The following GLUD1 variants were observed in gnomAD, a reference collection of about 807,000 sequenced individuals.
GLUD1 encodes glutamate dehydrogenase 1, also known as glutamate dehydrogenase 1, mitochondrial.
In GLUD1, 22 loss-of-function variants were observed where a neutral mutation model predicts 56.0. The ratio of observed to expected loss-of-function variants is 0.39; its 90% CI spans 0.28 to 0.56. The LOEUF is 0.56. Among genes scored for constraint, GLUD1 ranks in the 20% least tolerant of loss-of-function variants. GLUD1 has a pLI of 0.58. For synonymous variants in GLUD1, 223 were observed against 269.9 expected (o/e 0.83, Z 1.70); for missense variants, 451 against 732.0 (o/e 0.62, Z 4.43).
At chr10:87,057,380 T>C (rs1845810006) in intron 11 of GLUD1, among the ~76,000 whole-genome samples, 1 of 152,226 alleles carries the variant, frequency 6.6e-6, no homozygotes, top group African/African-American at 2.4e-5. Context: ...TTCAATCTAA[T>C]GCTTGCTTTT....
chr10:87,094,209 G>C lies in GLUD1; in HGVS notation c.445+116C>G. On this transcript the variant is annotated intron_variant, in intron 1 of 12. Coordinates refer to ENST00000277865, the MANE Select transcript of GLUD1 (RefSeq NM_005271.5). This position sits in a 1 kb window ranked among gnomAD's most constrained non-coding sequence, Gnocchi z 6.6. ...GGCGGGGTGACCCGGGCGGGGACCC[G>C]GCCCGCTCCAGCTGGGCTGGGCTGG... 1 of 1,406,710 alleles carries C rather than the reference G, an allele frequency of 7.1e-7. No individual in the cohort carries two copies. Among genetic ancestry groups the C allele is most frequent in the Non-Finnish European group, 9.5e-7 (1 of 1,056,342 alleles). 87.1% of individuals were successfully genotyped at this position (1,406,710 alleles called of 1,614,324 possible). A position where few individuals can be genotyped will look rare whatever the true frequency, so the allele number is the denominator to read the frequency against.
At chr10:87,074,738 C>T in intron 3 of GLUD1, 124 bp from the exon 4 acceptor site, 1 of 690,130 alleles carries the variant, frequency 1.4e-6, no homozygotes, top group Non-Finnish European at 2.6e-6. Context: ...ATCCTTAGAA[C>T]AACTCATAAA....
chr10:87,062,843 A>C lies in GLUD1; in HGVS notation c.742-8T>G. ...GGCGTGTGCATTAATATCCTGTAAG[A>C]GGGGGTAATTGAAAGAATGAAATGT... On this transcript the variant is annotated splice_polypyrimidine_tract_variant and splice_region_variant and intron_variant, in intron 5 of 12. Transcript: ENST00000277865. The C allele has an allele frequency of 6.2e-7, 1 of 1,612,942 alleles. No individual in the cohort carries two copies. The highest frequency in any genetic ancestry group is 8.5e-7 in the Non-Finnish European group (1 of 1,178,954).
At chr10:87,058,618 C>CTCTGCCCGGCCGTCCCT in intron 10 of GLUD1, among the ~76,000 whole-genome samples, 1 of 152,178 alleles carries the variant, frequency 6.6e-6, no homozygotes, top group Non-Finnish European at 1.5e-5. Context: ...ATTGGCTGGG[C>CTCTGCCCGGCCGTCCCT]ACAGTGGCTC....
intron 6 of GLUD1, 145 bp downstream of exon 6, chr10:87,062,509 CAA>C: frequency 4.2e-6 from 3 of 706,282 alleles, no homozygotes; most frequent in Middle Eastern, 3.9e-4. Context: ...GTTCAAAAAA[CAA>C]AATATCTATT....
At chr10:87,058,261 A>G (rs1414813556) in intron 10 of GLUD1, among the ~76,000 whole-genome samples, 1 of 152,208 alleles carries the variant, frequency 6.6e-6, no homozygotes, top group Non-Finnish European at 1.5e-5. Flanking sequence ...ATAAATGTGA[A>G]TTTAGGTCAC....
intron 1 of GLUD1, among the ~76,000 whole-genome samples, chr10:87,080,362 C>G (rs923347726): frequency 2.0e-5 from 3 of 152,082 alleles, no homozygotes; most frequent in African/African-American, 7.2e-5. Context: ...GCCGCCACCC[C>G]GTCTAGGAAG....
At chr10:87,066,050 G>GA (rs1846065975) in intron 5 of GLUD1, among the ~76,000 whole-genome samples, 1 of 152,122 alleles carries the variant, frequency 6.6e-6, no homozygotes, top group Non-Finnish European at 1.5e-5. Context: ...TCCCCTGGGG[G>GA]ACTTCACTAC....
intron 5 of GLUD1, 116 bp downstream of exon 5, chr10:87,067,947 T>C (rs1217645606): frequency 1.9e-5 from 13 of 702,214 alleles, no homozygotes; most frequent in Non-Finnish European, 2.9e-5. Flanking sequence ...CACATCAAGA[T>C]TATGATTGAA....
At chr10:87,052,669 C>T (rs796287397) in intron 12 of GLUD1, among the ~76,000 whole-genome samples, 2 of 41,746 alleles carry the variant, frequency 4.8e-5, no homozygotes, top group Admixed American at 8.3e-4. Context: ...AACTCCGTCT[C>T]AAAAAAAAAA....
Position 87,062,722 on chromosome 10 carries a change from A to G in GLUD1, c.855T>C (p.Asn285=). ...GVFHGIENFI[N]EASYMSILGM... ...CTAAAATGCTCATGTAAGAAGCTTC[A>G]TTGATGAAATTTTCAATCCCATGGA... The change falls in exon 6 of 13, where the codon AAT becomes AAC. Residue 285 remains asparagine, a synonymous_variant. Coordinates refer to ENST00000277865, the MANE Select transcript of GLUD1 (RefSeq NM_005271.5). The G allele has an allele frequency of 6.2e-7, 1 of 1,614,110 alleles. No homozygotes were observed. The highest frequency in any genetic ancestry group is 1.3e-5 in the African/African-American group (1 of 75,048).
At chr10:87,079,325 A>G (rs533643807) in intron 1 of GLUD1, among the ~76,000 whole-genome samples, 1 of 151,920 alleles carries the variant, frequency 6.6e-6, no homozygotes, top group Admixed American at 6.5e-5. Flanking sequence ...GTAGTCGAAG[A>G]TGCTCAGGAG....
chr10:87,051,577 G>A lies in GLUD1; in HGVS notation c.*174C>T, dbSNP rs1845632095. 1.2e-5 allele frequency: 9 copies of A among 782,210 alleles called. No homozygotes were observed. Among genetic ancestry groups the A allele is most frequent in the East Asian group, 2.5e-5 (1 of 39,470 alleles). The allele number at this position is 782,210 out of a possible 1,614,324, so 48.5% of individuals were successfully genotyped here. On this transcript the variant is annotated 3_prime_UTR_variant, in exon 13 of 13. Coordinates refer to ENST00000277865, the MANE Select transcript of GLUD1 (RefSeq NM_005271.5). ...TTCACACTCAGCTTGTACATGATCC[G>A]CTAACCTTAATTTCTTTCTCCTTAA... is the stretch of plus-strand genomic sequence containing the variant.
intron 6 of GLUD1, 22 bp downstream of exon 6, chr10:87,062,634 C>CTTT (rs1490816997): frequency 1.3e-6 from 2 of 1,592,594 alleles, no homozygotes; most frequent in Non-Finnish European, 1.7e-6. Flanking sequence ...ATTAAGGAAA[C>CTTT]TTTTTTTGTT....
rs142167252 is a variant in GLUD1 at position 87,059,505 on chromosome 10, T to G, written c.1279-232A>C. ...AAAAAAAAATCATTTTTTGGCTTAT[T>G]AATCAAGGAAAGTTAATAATCTTTG... On this transcript the variant is annotated intron_variant, in intron 9 of 12. Coordinates refer to ENST00000277865, the MANE Select transcript of GLUD1 (RefSeq NM_005271.5). Among the ~76,000 whole-genome samples, 183 of 152,224 alleles carry G rather than the reference T, an allele frequency of 1.2e-3. No homozygotes were observed. Among genetic ancestry groups the G allele is most frequent in the African/African-American group, 4.2e-3 (175 of 41,508 alleles).
At chr10:87,073,615 T>C (rs1846300335) in intron 4 of GLUD1, among the ~76,000 whole-genome samples, 1 of 127,410 alleles carries the variant, frequency 7.8e-6, no homozygotes, top group Non-Finnish European at 1.7e-5. Context: ...ACATTCTTTT[T>C]TTTTTTTTTT....
chr10:87,079,170 A>G (rs1194509290), intron 1 of GLUD1, among the ~76,000 whole-genome samples: 5 of 152,138 alleles, frequency 3.3e-5, no homozygotes, highest in Admixed American at 1.3e-4. Flanking sequence ...CAATTTGTCA[A>G]TTTAAAAAAT....
chr10:87,058,823 G>A (rs549298895), intron 10 of GLUD1, among the ~76,000 whole-genome samples: 2 of 152,228 alleles, frequency 1.3e-5, no homozygotes, highest in Admixed American at 6.5e-5. Context: ...CCTGGGAGGC[G>A]GAGGCTACAG....
intron 1 of GLUD1, among the ~76,000 whole-genome samples, chr10:87,090,704 T>C (rs1841491974): frequency 1.3e-5 from 2 of 152,188 alleles, no homozygotes. Flanking sequence ...TTCAGAAAAG[T>C]CCTAAATTAA....
Sources: gnomAD v4.1 joint callset for allele counts (sites outside exome capture counted in the v4.1 genomes callset) on GRCh38, gnomAD v4.1.1 for gene constraint, Gnocchi (gnomAD v3.1) non-coding constraint, MANE v1.5 for transcripts, NCBI Gene and HGNC (gene_info 2026-07-23, HGNC 2026-07-21) for gene names.